CATSPERT: variants seen among roughly 807,000 people sequenced by gnomAD.
The protein encoded by CATSPERT is cation channel sperm-associated targeting subunit tau.
the CATSPERT span, among the ~76,000 whole-genome samples, chr2:201,609,919 A>G: frequency 5.5e-4 from 84 of 152,318 alleles, no homozygotes; most frequent in African/African-American, 2.0e-3. Context: ...TGACCTTACT[A>G]AAGTAACCAA....
the CATSPERT span, chr2:201,493,081 C>G: frequency 1.3e-6 from 2 of 1,534,356 alleles, no homozygotes; most frequent in East Asian, 4.9e-5. Flanking sequence ...TTGTCCTCTT[C>G]TTTCAGAATG....
At chr2:201,613,048 C>G in the CATSPERT span, among the ~76,000 whole-genome samples, 1 of 152,258 alleles carries the variant, frequency 6.6e-6, no homozygotes, top group Non-Finnish European at 1.5e-5. Context: ...AACAAAGCAG[C>G]TGGGAAGCTC....
the CATSPERT span, among the ~76,000 whole-genome samples, chr2:201,515,338 C>T: frequency 6.8e-6 from 1 of 147,378 alleles, no homozygotes; most frequent in East Asian, 2.1e-4. Context: ...AGGTTCAAGC[C>T]ATTCTCCTGC....
the CATSPERT span, among the ~76,000 whole-genome samples, chr2:201,510,844 A>G: frequency 6.6e-6 from 1 of 152,258 alleles, no homozygotes; most frequent in Non-Finnish European, 1.5e-5. Context: ...CAAAAAGGAA[A>G]AGGTGTTGAA....
At chr2:201,595,257 C>T in the CATSPERT span, among the ~76,000 whole-genome samples, 5 of 149,142 alleles carry the variant, frequency 3.4e-5, no homozygotes, top group Admixed American at 2.7e-4. Context: ...GGCGGGATCT[C>T]GGCTCACTGC....
chr2:201,541,560 TATATATATATATATATATAA>T, the CATSPERT span, among the ~76,000 whole-genome samples: 12 of 101,546 alleles, frequency 1.2e-4, no homozygotes, highest in South Asian at 3.5e-4. Flanking sequence ...TATATATATA[TATATATATATATATATATAA>T]AATTTACAAA....
chr2:201,537,778 T>G, the CATSPERT span, among the ~76,000 whole-genome samples: 1 of 151,854 alleles, frequency 6.6e-6, no homozygotes, highest in Admixed American at 6.6e-5. Flanking sequence ...GTGATGGGAC[T>G]GGGATTGGAA....
At chr2:201,498,956 G>A in the CATSPERT span, among the ~76,000 whole-genome samples, 1 of 134,754 alleles carries the variant, frequency 7.4e-6, no homozygotes, top group African/African-American at 2.9e-5. Context: ...ACCTAAAAGG[G>A]GATTTGAAAA....
At chr2:201,611,610 T>C in the CATSPERT span, among the ~76,000 whole-genome samples, 66 of 151,578 alleles carry the variant, frequency 4.4e-4, no homozygotes, top group Admixed American at 8.5e-4. Flanking sequence ...TAATAAAGAT[T>C]GGAGCAGAAA....
chr2:201,604,842 C>T, the CATSPERT span: 1 of 438,112 alleles, frequency 2.3e-6, no homozygotes, highest in Non-Finnish European at 4.0e-6. Flanking sequence ...AAACTCATCC[C>T]TATCCTCAAT....
At chr2:201,600,146 T>C in the CATSPERT span, among the ~76,000 whole-genome samples, 6 of 152,204 alleles carry the variant, frequency 3.9e-5, no homozygotes, top group African/African-American at 9.7e-5. Context: ...CGTATGTTTA[T>C]TGTGGCACTT....
the CATSPERT span, among the ~76,000 whole-genome samples, chr2:201,542,483 C>T: frequency 6.6e-6 from 1 of 152,130 alleles, no homozygotes; most frequent in Non-Finnish European, 1.5e-5. Context: ...TTTACATTCC[C>T]CCAACAGTGT....
At chr2:201,495,018 C>T in the CATSPERT span, among the ~76,000 whole-genome samples, 1 of 152,056 alleles carries the variant, frequency 6.6e-6, no homozygotes, top group African/African-American at 2.4e-5. Context: ...TTTTTAAATA[C>T]TTAAAAAGCC....
chr2:201,602,750 T>C, the CATSPERT span, among the ~76,000 whole-genome samples: 1 of 152,140 alleles, frequency 6.6e-6, no homozygotes, highest in African/African-American at 2.4e-5. Flanking sequence ...CAATAAAATG[T>C]AATGGAATGT....
the CATSPERT span, among the ~76,000 whole-genome samples, chr2:201,588,739 T>C: frequency 6.6e-6 from 1 of 151,876 alleles, no homozygotes; most frequent in Non-Finnish European, 1.5e-5. Context: ...CTAGTCAACA[T>C]AGCATTGGAA....
the CATSPERT span, among the ~76,000 whole-genome samples, chr2:201,609,947 A>G: frequency 6.6e-6 from 1 of 152,216 alleles, no homozygotes; most frequent in Admixed American, 6.5e-5. Context: ...AGAACCTCAA[A>G]TAAACAAACT....
At chr2:201,496,091 A>T in the CATSPERT span, 114 of 548,968 alleles carry the variant, frequency 2.1e-4, no homozygotes, top group African/African-American at 1.9e-3. Context: ...TTATCATAAC[A>T]ACTATACCTT....
chr2:201,545,542 C>T, the CATSPERT span: 1 of 1,465,858 alleles, frequency 6.8e-7, no homozygotes, highest in South Asian at 1.4e-5. Context: ...TAGTTTCTTA[C>T]CTACTCCTAC....
At chr2:201,578,752 A>G in the CATSPERT span, among the ~76,000 whole-genome samples, 10 of 152,182 alleles carry the variant, frequency 6.6e-5, no homozygotes, top group Non-Finnish European at 1.3e-4. Flanking sequence ...AAAAGTTTGC[A>G]TATATGCTTC....
Sources: allele counts gnomAD v4.1 joint callset (sites outside exome capture counted in the v4.1 genomes callset), GRCh38; gene constraint gnomAD v4.1.1; transcripts MANE v1.5; gene names NCBI Gene and HGNC (gene_info 2026-07-23, HGNC 2026-07-21).